SGCZ: variants seen among roughly 807,000 people sequenced by gnomAD.
SGCZ encodes the protein sarcoglycan zeta.
SGCZ carries 40 observed loss-of-function variants against 41.3 expected under a neutral mutation model. That is an observed-to-expected ratio of 0.97 (90% CI 0.75 to 1.26). SGCZ has a LOEUF of 1.26. SGCZ is among the 50% of genes most tolerant of loss of function. The probability of loss-of-function intolerance (pLI) is 0.00; values close to 1 mark genes in which losing one functional copy is unlikely to be tolerated. For synonymous variants in SGCZ, 206 were observed against 137.5 expected, an observed-to-expected ratio of 1.50 and a Z score of -3.49; for missense variants, 552 against 369.8, an observed-to-expected ratio of 1.49 and a Z score of -4.04.
chr8:14,202,645 C>A (rs1222139416), intron 4 of SGCZ, among the ~76,000 whole-genome samples: 2 of 152,018 alleles, frequency 1.3e-5, no homozygotes, highest in Admixed American at 6.6e-5. Flanking sequence ...TTCCATTGAT[C>A]TCCTTTCAAG....
intron 4 of SGCZ, among the ~76,000 whole-genome samples, chr8:14,183,082 T>A (rs1198072272): frequency 6.7e-6 from 1 of 149,464 alleles, no homozygotes; most frequent in Non-Finnish European, 1.5e-5. Context: ...CATTTGCAAA[T>A]AAATAGTAAT....
chr8:14,939,419 T>A (rs950348412), intron 1 of SGCZ, among the ~76,000 whole-genome samples: 1 of 152,110 alleles, frequency 6.6e-6, no homozygotes, highest in African/African-American at 2.4e-5. Context: ...AAATTAATGC[T>A]TCCTATTTTT....
chr8:15,003,083 CA>C (rs1216755441), intron 1 of SGCZ, among the ~76,000 whole-genome samples: 3 of 151,908 alleles, frequency 2.0e-5, no homozygotes, highest in African/African-American at 7.3e-5. Flanking sequence ...ACAATCATGG[CA>C]AAATTTAATA....
At chr8:14,885,975 G>T (rs1804774922) in intron 1 of SGCZ, among the ~76,000 whole-genome samples, 4 of 94,366 alleles carry the variant, frequency 4.2e-5, no homozygotes, top group Admixed American at 2.5e-4. Context: ...TAATCATAAA[G>T]GACTTTATGT....
chr8:15,236,419 T>A (rs1053681558), intron 1 of SGCZ, among the ~76,000 whole-genome samples: 1 of 151,360 alleles, frequency 6.6e-6, no homozygotes, highest in African/African-American at 2.5e-5. Context: ...CAAACCTCTA[T>A]TCGTCGTTTC....
chr8:14,408,982 T>TGTGCATGTGTGC (rs761891974), intron 2 of SGCZ, among the ~76,000 whole-genome samples: 35 of 49,990 alleles, frequency 7.0e-4, no homozygotes, highest in Admixed American at 1.1e-3. Flanking sequence ...CATGTGTGCG[T>TGTGCATGTGTGC]GTGTGTGTGT....
chr8:14,784,158 C>T (rs1014633440), intron 1 of SGCZ, among the ~76,000 whole-genome samples: 2 of 151,484 alleles, frequency 1.3e-5, no homozygotes, highest in Non-Finnish European at 2.9e-5. Flanking sequence ...TCAATATATC[C>T]TCTTCTCTCA....
At chr8:14,280,612 A>AT (rs1288153178) in intron 3 of SGCZ, among the ~76,000 whole-genome samples, 3 of 152,002 alleles carry the variant, frequency 2.0e-5, no homozygotes, top group East Asian at 3.9e-4. Context: ...TGGCACTTAG[A>AT]TTTTTTATAC....
At chr8:14,365,833 T>C (rs1803686834) in intron 2 of SGCZ, among the ~76,000 whole-genome samples, 1 of 152,134 alleles carries the variant, frequency 6.6e-6, no homozygotes, top group Non-Finnish European at 1.5e-5. Context: ...AATCATATTA[T>C]CACCTTTTCT....
At chr8:14,502,869 T>C (rs1178232247) in intron 2 of SGCZ, among the ~76,000 whole-genome samples, 1 of 152,164 alleles carries the variant, frequency 6.6e-6, no homozygotes, top group East Asian at 1.9e-4. Context: ...AATTCAACCA[T>C]TGTGGAAGAC....
chr8:14,231,074 G>A (rs1806549410), intron 4 of SGCZ, among the ~76,000 whole-genome samples: 2 of 151,750 alleles, frequency 1.3e-5, no homozygotes, highest in South Asian at 4.2e-4. Flanking sequence ...CAGCCTATGT[G>A]TATGGACTGG....
chr8:14,608,986 C>T (rs1364337146), intron 1 of SGCZ, among the ~76,000 whole-genome samples: 1 of 152,076 alleles, frequency 6.6e-6, no homozygotes, highest in Non-Finnish European at 1.5e-5. Context: ...ATTAATTCTA[C>T]CTTTAAAATT....
At chr8:14,983,145 T>A (rs375689533) in intron 1 of SGCZ, among the ~76,000 whole-genome samples, 50 of 152,246 alleles carry the variant, frequency 3.3e-4, no homozygotes, top group African/African-American at 1.2e-3. Context: ...CTGCTGGTGC[T>A]TATTTCATTG....
At chr8:15,002,823 A>T (rs1802474417) in intron 1 of SGCZ, among the ~76,000 whole-genome samples, 1 of 152,178 alleles carries the variant, frequency 6.6e-6, no homozygotes, top group Admixed American at 6.5e-5. Flanking sequence ...CTGTGTCCCC[A>T]TCCAAATCTC....
intron 2 of SGCZ, among the ~76,000 whole-genome samples, chr8:14,503,129 G>T (rs1258196619): frequency 6.6e-6 from 1 of 152,140 alleles, no homozygotes; most frequent in African/African-American, 2.4e-5. Context: ...AAAAAAGAAT[G>T]AGTTCATGTC....
chr8:14,798,850 C>A (rs1034842937), intron 1 of SGCZ, among the ~76,000 whole-genome samples: 1 of 151,738 alleles, frequency 6.6e-6, no homozygotes, highest in Non-Finnish European at 1.5e-5. Context: ...TTAAAGCCAC[C>A]TGAAATGTGT....
intron 1 of SGCZ, among the ~76,000 whole-genome samples, chr8:15,128,674 C>A (rs1807792189): frequency 6.6e-6 from 1 of 152,162 alleles, no homozygotes. Context: ...TGTGAAATGG[C>A]TTACTGCAAA....
chr8:14,735,169 G>C (rs548533946), intron 1 of SGCZ, among the ~76,000 whole-genome samples: 120 of 152,246 alleles, frequency 7.9e-4, no homozygotes, highest in African/African-American at 2.8e-3. Flanking sequence ...CACATTACTT[G>C]ACCCAAATTA....
chr8:14,196,208 A>C (rs886222207), intron 4 of SGCZ, among the ~76,000 whole-genome samples: 4 of 152,104 alleles, frequency 2.6e-5, no homozygotes, highest in African/African-American at 9.7e-5. Flanking sequence ...TCAGTAAAAT[A>C]ATGAAGCAAC....
Sources: gnomAD v4.1 joint callset for allele counts (sites outside exome capture counted in the v4.1 genomes callset) on GRCh38, gnomAD v4.1.1 for gene constraint, MANE v1.5 for transcripts, NCBI Gene and HGNC (gene_info 2026-07-23, HGNC 2026-07-21) for gene names.